The following CENPK variants were observed in gnomAD, a reference collection of about 807,000 sequenced individuals.
CENPK encodes centromere protein K, also known as SoxLZ/Sox6-binding protein Solt.
CENPK carries 46 observed loss-of-function variants against 40.9 expected under a neutral mutation model. The ratio of observed to expected loss-of-function variants is 1.13; its 90% CI spans 0.89 to 1.44. CENPK has a LOEUF of 1.44. Ranked by LOEUF, CENPK falls within the 40% of genes most tolerant of loss-of-function variation. The pLI, the probability that CENPK is intolerant of heterozygous loss-of-function variation, is 0.00. For missense variants in CENPK, 288 were observed against 303.5 expected (o/e 0.95, Z 0.38); for synonymous variants, 107 against 104.4 (o/e 1.02, Z -0.15).
intron 3 of CENPK, 37 bp from the exon 4 acceptor site, chr5:65,552,586 G>A (rs376533258): frequency 2.9e-5 from 37 of 1,290,948 alleles, no homozygotes; most frequent in Non-Finnish European, 3.5e-5. Context: ...AGTCACACAC[G>A]ATAATTCACA....
downstream of CENPK, among the ~76,000 whole-genome samples, chr5:65,514,615 T>G (rs147904064): frequency 3.9e-3 from 600 of 152,320 alleles, 2 homozygotes; most frequent in African/African-American, 0.014. Context: ...TAGAACAGAC[T>G]GTACAAAATT....
downstream of CENPK, among the ~76,000 whole-genome samples, chr5:65,515,204 A>ATTTTTTTTTT (rs1554102335): frequency 1.1e-3 from 131 of 124,048 alleles, 1 homozygote; most frequent in South Asian, 3.4e-3. Context: ...TCTCAAAAAA[A>ATTTTTTTTTT]TTTTTTTTTT....
the CENPK span, among the ~76,000 whole-genome samples, chr5:65,498,561 A>G: frequency 6.7e-6 from 1 of 149,892 alleles, no homozygotes; most frequent in African/African-American, 2.4e-5. Context: ...GAAGAAAACT[A>G]TTGTATTTGG....
chr5:65,543,740 C>G (rs1748386308), intron 5 of CENPK, among the ~76,000 whole-genome samples: 1 of 152,130 alleles, frequency 6.6e-6, no homozygotes, highest in Non-Finnish European at 1.5e-5. Flanking sequence ...GACTTTTATA[C>G]ACGTTTTTAT....
intron 9 of CENPK, among the ~76,000 whole-genome samples, chr5:65,527,485 G>A (rs1744907998): frequency 1.7e-5 from 2 of 115,142 alleles, no homozygotes; most frequent in Non-Finnish European, 3.5e-5. Context: ...AATTTCAAAA[G>A]TCTTATTAAC....
At chr5:65,556,633 TA>T (rs1247094639) in intron 2 of CENPK, among the ~76,000 whole-genome samples, 1 of 152,214 alleles carries the variant, frequency 6.6e-6, no homozygotes, top group African/African-American at 2.4e-5. Flanking sequence ...ATTGAATAAT[TA>T]AAAAAATAAA....
At chr5:65,512,233 G>A in the CENPK span, among the ~76,000 whole-genome samples, 2 of 152,218 alleles carry the variant, frequency 1.3e-5, no homozygotes, top group Non-Finnish European at 2.9e-5. Flanking sequence ...AGTGAACATG[G>A]TTGAAATGAC....
At chr5:65,495,883 T>G in the CENPK span, among the ~76,000 whole-genome samples, 3 of 152,178 alleles carry the variant, frequency 2.0e-5, no homozygotes, top group Non-Finnish European at 2.9e-5. Flanking sequence ...AGGGTTCCAT[T>G]AAATGGGCAC....
At position 65,554,938 on chromosome 5, in the gene CENPK, T is replaced by G. The variant is rs760138230; in HGVS notation, c.-31A>C. On this transcript the variant is annotated 5_prime_UTR_variant, in exon 3 of 11. Coordinates refer to ENST00000396679, the MANE Select transcript of CENPK (RefSeq NM_022145.5). ...TATGCTTTGTGAATTTTTAGCCTTA[T>G]AAGAAAAACTAAAGCAAAAAATATT... 1.6e-6 allele frequency: 2 copies of G among 1,289,806 alleles called. No homozygotes were observed. Among genetic ancestry groups the G allele is most frequent in the Admixed American group, 1.8e-5 (1 of 55,338 alleles). 79.9% of individuals were successfully genotyped at this position (1,289,806 alleles called of 1,614,324 possible).
chr5:65,548,704 T>G (rs955627354), intron 5 of CENPK, among the ~76,000 whole-genome samples: 2 of 152,182 alleles, frequency 1.3e-5, no homozygotes, highest in African/African-American at 4.8e-5. Context: ...GGGAGTAGAT[T>G]CCATCTCAAG....
At chr5:65,557,877 T>C (rs527745014) in intron 2 of CENPK, among the ~76,000 whole-genome samples, 13 of 152,162 alleles carry the variant, frequency 8.5e-5, no homozygotes, top group Non-Finnish European at 1.9e-4. Context: ...AAAAATCTGA[T>C]TGGAGTGGAT....
intron 10 of CENPK, among the ~76,000 whole-genome samples, chr5:65,519,489 A>T (rs1743330083): frequency 1.3e-5 from 2 of 152,198 alleles, no homozygotes; most frequent in South Asian, 4.1e-4. Flanking sequence ...AGAACTCAGA[A>T]GAGTTAAGAG....
the CENPK span, among the ~76,000 whole-genome samples, chr5:65,510,909 A>G: frequency 1.3e-5 from 2 of 152,200 alleles, no homozygotes; most frequent in African/African-American, 4.8e-5. Context: ...ACCCTTCACC[A>G]TGTGATGTCC....
At chr5:65,524,447 G>C (rs917602342) in intron 9 of CENPK, among the ~76,000 whole-genome samples, 43 of 149,234 alleles carry the variant, frequency 2.9e-4, no homozygotes, top group South Asian at 1.1e-3. Context: ...TCAGGAGGTC[G>C]AGACCATCCT....
At chr5:65,544,537 C>G (rs1748548910) in intron 5 of CENPK, among the ~76,000 whole-genome samples, 1 of 152,086 alleles carries the variant, frequency 6.6e-6, no homozygotes, top group South Asian at 2.1e-4. Context: ...TGGTAGACAT[C>G]CAAAAGAATT....
chr5:65,525,235 C>T (rs575390273), intron 9 of CENPK, among the ~76,000 whole-genome samples: 13 of 151,868 alleles, frequency 8.6e-5, no homozygotes, highest in African/African-American at 2.7e-4. Flanking sequence ...CATAGCAGTG[C>T]GCACATGTAA....
chr5:65,526,636 C>T (rs1455237869), intron 9 of CENPK, among the ~76,000 whole-genome samples: 1 of 152,138 alleles, frequency 6.6e-6, no homozygotes, highest in East Asian at 1.9e-4. Flanking sequence ...ATAAATAACA[C>T]TAACAAAATC....
chr5:65,524,861 T>TA (rs1744405347), intron 9 of CENPK, among the ~76,000 whole-genome samples: 1 of 152,222 alleles, frequency 6.6e-6, no homozygotes. Context: ...TTAATTTTCT[T>TA]ATCTTTTACA....
chr5:65,501,335 C>A, the CENPK span, among the ~76,000 whole-genome samples: 1 of 151,642 alleles, frequency 6.6e-6, no homozygotes, highest in South Asian at 2.1e-4. Flanking sequence ...CCCACCACCA[C>A]GCCCAGCTAG....
Sources: gnomAD v4.1 joint callset for allele counts (sites outside exome capture counted in the v4.1 genomes callset) on GRCh38, gnomAD v4.1.1 for gene constraint, MANE v1.5 for transcripts, NCBI Gene and HGNC (gene_info 2026-07-23, HGNC 2026-07-21) for gene names.